Variants in EXOC6 observed in about 807,000 individuals in gnomAD.
The protein encoded by EXOC6 is exocyst complex component 6.
In EXOC6, 60 loss-of-function variants were observed where a neutral mutation model predicts 112.5. The ratio of observed to expected loss-of-function variants is 0.53; its 90% CI spans 0.43 to 0.66. The LOEUF (loss-of-function observed/expected upper bound fraction) is 0.66. Among genes scored for constraint, EXOC6 ranks in the 30% least tolerant of loss-of-function variants. The probability of loss-of-function intolerance (pLI) is 0.00; values close to 1 mark genes in which losing one functional copy is unlikely to be tolerated. For missense variants in EXOC6, 855 were observed against 957.1 expected, an observed-to-expected ratio of 0.89 and a Z score of 1.41; for synonymous variants, 295 against 308.0, an observed-to-expected ratio of 0.96 and a Z score of 0.44.
chr10:93,006,936 T>G (rs1359744855), intron 19 of EXOC6, among the ~76,000 whole-genome samples: 1 of 152,204 alleles, frequency 6.6e-6, no homozygotes, highest in Admixed American at 6.5e-5. Context: ...TTCAGTCTTT[T>G]GTCAAGCTTC....
At chr10:93,041,480 C>T (rs1055832539) in intron 20 of EXOC6, among the ~76,000 whole-genome samples, 1 of 152,136 alleles carries the variant, frequency 6.6e-6, no homozygotes, top group Non-Finnish European at 1.5e-5. Context: ...CAACCTCTAC[C>T]TCCTGGGTTC....
chr10:92,850,984 G>A (rs1005564066), intron 1 of EXOC6, among the ~76,000 whole-genome samples: 1 of 151,996 alleles, frequency 6.6e-6, no homozygotes, highest in African/African-American at 2.4e-5. Flanking sequence ...AAAACTATCT[G>A]GAAAATTCCC....
At chr10:92,896,179 ATATTTTTTTTTTTTTTTTTTTTTT>A (rs1849808588) in intron 4 of EXOC6, among the ~76,000 whole-genome samples, 15 of 13,074 alleles carry the variant, frequency 1.1e-3, no homozygotes, top group African/African-American at 5.4e-3. Context: ...ATATATATAT[ATATTTTTTTTTTTTTTTTTTTTTT>A]TTTTTTTTTT....
At chr10:93,041,859 A>C (rs1274634414) in intron 20 of EXOC6, among the ~76,000 whole-genome samples, 1 of 152,160 alleles carries the variant, frequency 6.6e-6, no homozygotes, top group Non-Finnish European at 1.5e-5. Flanking sequence ...CTACAGGCAC[A>C]TGCCACCAAG....
At chr10:93,031,798 C>T (rs1225989475) in intron 20 of EXOC6, among the ~76,000 whole-genome samples, 3 of 152,086 alleles carry the variant, frequency 2.0e-5, no homozygotes, top group Non-Finnish European at 4.4e-5. Context: ...TAGGCATGAG[C>T]CACCGTGCCC....
rs564420473 is a variant in EXOC6, at chr10:92,981,287, A to G, written c.1953+7055A>G. Among the ~76,000 whole-genome samples, 3 of 152,314 alleles carry G rather than the reference A, an allele frequency of 2.0e-5. No homozygotes were observed. The South Asian group carries it at 6.2e-4, about 32-fold the overall frequency. On this transcript the variant is annotated intron_variant, in intron 18 of 21. Transcript: ENST00000260762. ...ATCTTGTTATTCTTCATGACTGCCA[A>G]ATGGAACTCAGTAACGTTTTACTGT... is the stretch of plus-strand genomic sequence containing the variant.
intron 1 of EXOC6, among the ~76,000 whole-genome samples, chr10:92,869,448 A>G (rs1202055435): frequency 6.6e-6 from 1 of 152,144 alleles, no homozygotes; most frequent in Non-Finnish European, 1.5e-5. Context: ...AGCTAGGACT[A>G]TAGGCACATG....
chr10:92,982,405 A>G (rs1842858390), intron 18 of EXOC6, among the ~76,000 whole-genome samples: 1 of 82,686 alleles, frequency 1.2e-5, no homozygotes, highest in South Asian at 5.4e-4. Context: ...GTGGCATCAC[A>G]TTGGTAGCCA....
At chr10:92,884,078 TG>T (rs1849089702) in intron 1 of EXOC6, among the ~76,000 whole-genome samples, 1 of 152,142 alleles carries the variant, frequency 6.6e-6, no homozygotes, top group Non-Finnish European at 1.5e-5. Flanking sequence ...TTTGTATTTT[TG>T]GTAGAAACAG....
intron 4 of EXOC6, 43 bp from the exon 5 acceptor site, chr10:92,899,556 T>C: frequency 7.4e-7 from 1 of 1,344,778 alleles, no homozygotes; most frequent in Non-Finnish European, 1.0e-6. Context: ...CAAAATATTT[T>C]CTTTTCATTT....
At chr10:92,948,640 A>G (rs1853204945) in intron 14 of EXOC6, among the ~76,000 whole-genome samples, 1 of 149,656 alleles carries the variant, frequency 6.7e-6, no homozygotes, top group African/African-American at 2.4e-5. Flanking sequence ...GATGACGTTA[A>G]GAAGAGACTT....
upstream of EXOC6, among the ~76,000 whole-genome samples, chr10:92,832,868 G>T (rs1260311372): frequency 6.6e-6 from 1 of 152,026 alleles, no homozygotes; most frequent in Non-Finnish European, 1.5e-5. Flanking sequence ...TCGCCCTGTT[G>T]GCCAGGCTAG....
At chr10:92,970,647 C>T (rs1271292977) in intron 17 of EXOC6, among the ~76,000 whole-genome samples, 1 of 152,172 alleles carries the variant, frequency 6.6e-6, no homozygotes, top group Non-Finnish European at 1.5e-5. Context: ...TTTTTACTTT[C>T]TTCTGTAGTT....
chr10:92,943,668 A>G (rs80048772), intron 13 of EXOC6, among the ~76,000 whole-genome samples: 2 of 151,786 alleles, frequency 1.3e-5, no homozygotes, highest in African/African-American at 4.8e-5. Flanking sequence ...TTATGGAATG[A>G]TTAAATCAAG....
chr10:92,843,553 T>C (rs1846936280), upstream of EXOC6, among the ~76,000 whole-genome samples: 1 of 152,212 alleles, frequency 6.6e-6, no homozygotes, highest in Non-Finnish European at 1.5e-5. Context: ...ACCCTACCTC[T>C]AAAAGCATGC....
intron 20 of EXOC6, 36 bp from the exon 21 acceptor site, chr10:93,056,888 C>A: frequency 8.2e-7 from 1 of 1,218,742 alleles, no homozygotes; most frequent in South Asian, 1.3e-5. Flanking sequence ...GGTAAATAAT[C>A]AAAAGTTGAT....
intron 20 of EXOC6, among the ~76,000 whole-genome samples, chr10:93,039,707 CCTT>C (rs1845674399): frequency 6.6e-6 from 1 of 152,284 alleles, no homozygotes; most frequent in African/African-American, 2.4e-5. Flanking sequence ...TTACTCTACT[CCTT>C]CTCACCTTCC....
At position 92,996,574 on chromosome 10, in the gene EXOC6, G is replaced by A. The variant is rs553606469; in HGVS notation, c.1954-900G>A. ...AGAGCTTGCAGTGAGCCGAGATTGCGCCAGCCCTGGCCACAGAGTGAGACT... is the reference window on the plus strand; with the variant it reads ...AGAGCTTGCAGTGAGCCGAGATTGCACCAGCCCTGGCCACAGAGTGAGACT... On this transcript the variant is annotated intron_variant, in intron 18 of 21. Transcript: ENST00000260762. Among the ~76,000 whole-genome samples, 6 of 148,936 alleles carry A rather than the reference G, an allele frequency of 4.0e-5. No homozygotes were observed. In the South Asian group the frequency reaches 1.3e-3, roughly 32 times the overall value.
At chr10:92,994,759 G>A (rs1045524921) in intron 18 of EXOC6, among the ~76,000 whole-genome samples, 2 of 151,390 alleles carry the variant, frequency 1.3e-5, no homozygotes, top group Non-Finnish European at 2.9e-5. Context: ...TATTATTAAA[G>A]GCATCAATAA....
Sources: gnomAD v4.1 joint callset for allele counts (sites outside exome capture counted in the v4.1 genomes callset) on GRCh38, gnomAD v4.1.1 for gene constraint, MANE v1.5 for transcripts, NCBI Gene and HGNC (gene_info 2026-07-23, HGNC 2026-07-21) for gene names.